RO60: variants seen among roughly 807,000 people sequenced by gnomAD.
The protein encoded by RO60 is RNA-binding protein RO60.
RO60 carries 20 observed loss-of-function variants against 55.3 expected under a neutral mutation model. The ratio of observed to expected loss-of-function variants is 0.36; its 90% confidence interval spans 0.25 to 0.53. RO60 has a LOEUF of 0.53. Among genes scored for constraint, RO60 ranks in the 20% least tolerant of loss-of-function variants. The pLI, the probability that RO60 is intolerant of heterozygous loss-of-function variation, is 0.92. For missense variants in RO60, 558 were observed against 646.6 expected (o/e 0.86, Z 1.49); for synonymous variants, 213 against 213.6 (o/e 1.00, Z 0.02).
Position 193,076,573 on chromosome 1 carries a change from T to G in RO60, c.874T>G (p.Ser292Ala). Residue 292 changes from serine to alanine, a missense_variant, in exon 4 of 9, where the codon TCA becomes GCA. Ser to Ala is a moderately conservative substitution (Grantham distance 99). Transcript: ENST00000400968. ...GAATCTAGGAAAGATGACTGCTAAT[T>G]CAGTACTTGAACCAGGAAATTCAGA... ...LRNLGKMTANSVLEPGNSEVS... is the reference protein window; with the variant it reads ...LRNLGKMTANAVLEPGNSEVS... 7 of 1,612,232 alleles carry G rather than the reference T, an allele frequency of 4.3e-6. No homozygotes were observed. Among genetic ancestry groups the G allele is most frequent in the Non-Finnish European group, 5.9e-6 (7 of 1,179,246 alleles).
intron 5 of RO60, among the ~76,000 whole-genome samples, chr1:193,079,214 A>G (rs1674132127): frequency 1.3e-5 from 2 of 151,514 alleles, no homozygotes; most frequent in Non-Finnish European, 2.9e-5. Flanking sequence ...CAGCCTCCCA[A>G]GTAGCTGGGA....
At chr1:193,067,366 T>C (rs1558235920) in intron 1 of RO60, among the ~76,000 whole-genome samples, 1 of 151,888 alleles carries the variant, frequency 6.6e-6, no homozygotes, top group Non-Finnish European at 1.5e-5. Flanking sequence ...TTTTTTGTAT[T>C]TTTAGTAGAG....
chr1:193,074,674 T>G (rs1445759809), intron 2 of RO60, among the ~76,000 whole-genome samples: 4 of 152,232 alleles, frequency 2.6e-5, no homozygotes, highest in Admixed American at 6.5e-5. Flanking sequence ...TTTCTCCCAT[T>G]CTGTAGGTTG....
At chr1:193,060,182 G>A in intron 1 of RO60, 1 of 1,060,848 alleles carries the variant, frequency 9.4e-7, no homozygotes, top group South Asian at 1.6e-5. Context: ...GGGAAGACAG[G>A]GTGAATTTAT....
At chr1:193,060,195 C>A in intron 1 of RO60, 1 of 977,112 alleles carries the variant, frequency 1.0e-6, no homozygotes, top group Middle Eastern at 4.6e-4. Context: ...GAATTTATCA[C>A]AGAGGAATAA....
chr1:193,061,961 G>A (rs1451506415), intron 1 of RO60, among the ~76,000 whole-genome samples: 1 of 150,704 alleles, frequency 6.6e-6, no homozygotes, highest in Non-Finnish European at 1.5e-5. Flanking sequence ...TCCAGCCTGG[G>A]TGACAGAGTG....
At chr1:193,084,225 A>C (rs1292178162) in intron 8 of RO60, among the ~76,000 whole-genome samples, 1 of 152,222 alleles carries the variant, frequency 6.6e-6, no homozygotes, top group Non-Finnish European at 1.5e-5. Flanking sequence ...ATATATACTC[A>C]TACACACTGC....
intron 2 of RO60, among the ~76,000 whole-genome samples, chr1:193,074,654 T>C (rs1673770718): frequency 6.6e-6 from 1 of 152,206 alleles, no homozygotes; most frequent in Non-Finnish European, 1.5e-5. Context: ...GATGAGTAGA[T>C]TGCAAAAATT....
chr1:193,069,466 A>G lies in RO60; in HGVS notation c.412A>G (p.Ser138Gly). The change falls in exon 2 of 9, where the codon AGC becomes GGC. Residue 138 changes from serine (S) to glycine (G), a missense_variant. Coordinates refer to ENST00000400968, the MANE Select transcript of RO60 (RefSeq NM_001173524.2). Reference sequence around the variant, plus strand: ...CCAGTTTAAGAAAGATCTGAAGGAAAGCATGAAATGTGGCATGTGGGGTCG... The same window carrying G: ...CCAGTTTAAGAAAGATCTGAAGGAAGGCATGAAATGTGGCATGTGGGGTCG... ...FIQFKKDLKE[S>G]MKCGMWGRAL... 4.3e-6 allele frequency: 7 copies of G among 1,614,240 alleles called. No individual in the cohort carries two copies. Among genetic ancestry groups the G allele is most frequent in the Non-Finnish European group, 5.1e-6 (6 of 1,180,040 alleles).
intron 5 of RO60, among the ~76,000 whole-genome samples, chr1:193,079,365 A>G (rs990715837): frequency 5.3e-5 from 8 of 152,172 alleles, no homozygotes; most frequent in African/African-American, 1.9e-4. Flanking sequence ...CTGGGATTAC[A>G]GGCGTGAACC....
intron 1 of RO60, among the ~76,000 whole-genome samples, chr1:193,064,210 T>G (rs1672963563): frequency 6.6e-6 from 1 of 152,208 alleles, no homozygotes; most frequent in South Asian, 2.1e-4. Context: ...CATGATTGAT[T>G]AAATCATTAG....
At chr1:193,060,680 C>A (rs1487498768) in intron 1 of RO60, among the ~76,000 whole-genome samples, 1 of 152,094 alleles carries the variant, frequency 6.6e-6, no homozygotes. Flanking sequence ...TTAAAAGGAG[C>A]CTGAGTACGC....
chr1:193,076,920 T>C lies in RO60; in HGVS notation c.956T>C (p.Ile319Thr). ...CTTATACTTTGTTTCTAGGCTCGTATACATCCATTTCATATTTTGATCGCA... is the reference window on the plus strand; with the variant it reads ...CTTATACTTTGTTTCTAGGCTCGTACACATCCATTTCATATTTTGATCGCA... Reference protein sequence around the residue: ...CNEKLLKKARIHPFHILIALE... With the variant: ...CNEKLLKKARTHPFHILIALE... The change falls in exon 5 of 9, where the codon ATA becomes ACA. Residue 319 changes from isoleucine (I) to threonine (T), a missense_variant. Coordinates refer to ENST00000400968, the MANE Select transcript of RO60 (RefSeq NM_001173524.2). 1.2e-6 allele frequency: 2 copies of C among 1,611,692 alleles called. No homozygotes were observed. The highest frequency in any genetic ancestry group is 2.7e-5 in the African/African-American group (2 of 74,998).
chr1:193,080,539 GA>G (rs1674236097), intron 5 of RO60, among the ~76,000 whole-genome samples: 1 of 152,112 alleles, frequency 6.6e-6, no homozygotes, highest in Admixed American at 6.5e-5. Context: ...ATGCTATTGT[GA>G]ACAAATGTTT....
chr1:193,084,764 G>A lies in RO60; in HGVS notation c.*33G>A. 1 of 1,596,188 alleles carries A rather than the reference G, an allele frequency of 6.3e-7. No individual in the cohort carries two copies. Among genetic ancestry groups the A allele is most frequent in the East Asian group, 2.2e-5 (1 of 44,746 alleles). On this transcript the variant is annotated 3_prime_UTR_variant, in exon 9 of 9. Transcript: ENST00000400968. ...CAGCAGCACGATCCAGAGATCCATT[G>A]CCATCAGTGATCTCACTAAAAATAT... is the stretch of plus-strand genomic sequence containing the variant.
At chr1:193,074,118 T>C (rs1257479481) in intron 2 of RO60, among the ~76,000 whole-genome samples, 5 of 152,204 alleles carry the variant, frequency 3.3e-5, no homozygotes, top group Admixed American at 2.6e-4. Flanking sequence ...TGCCACATTT[T>C]CTTAATCCAG....
rs1284932184 is a variant in RO60, at chr1:193,085,773, T to C, written c.*1042T>C. 1.0e-6 allele frequency: 1 copy of C among 984,892 alleles called. No homozygotes were observed. Among genetic ancestry groups the C allele is most frequent in the African/African-American group, 1.7e-5 (1 of 57,224 alleles). The allele number at this position is 984,892 out of a possible 1,614,324, so 61.0% of individuals were successfully genotyped here. A position where few individuals can be genotyped will look rare whatever the true frequency, so the allele number is the denominator to read the frequency against. ...TTCATTTTGTGGCAAAATATTCTTC[T>C]TTGATAGTGTAAACAAATAATAAAG... On this transcript the variant is annotated 3_prime_UTR_variant, in exon 9 of 9. Transcript: ENST00000400968.
chr1:193,078,541 G>A (rs1674080035), intron 5 of RO60, among the ~76,000 whole-genome samples: 1 of 151,978 alleles, frequency 6.6e-6, no homozygotes, highest in African/African-American at 2.4e-5. Flanking sequence ...AAGTTACAGG[G>A]TATAAAACCA....
intron 1 of RO60, among the ~76,000 whole-genome samples, chr1:193,066,118 C>T (rs1395488783): frequency 1.3e-5 from 2 of 152,112 alleles, no homozygotes; most frequent in South Asian, 2.1e-4. Flanking sequence ...TACTCTTTAC[C>T]CTTAAAAGAT....
Sources: allele counts gnomAD v4.1 joint callset (sites outside exome capture counted in the v4.1 genomes callset), GRCh38; gene constraint gnomAD v4.1.1; transcripts MANE v1.5; gene names NCBI Gene and HGNC (gene_info 2026-07-23, HGNC 2026-07-21).